GABBR1: variants seen among roughly 807,000 people sequenced by gnomAD.
GABBR1 encodes the protein GABA-B receptor, R1 subunit.
A neutral mutation model predicts 117.7 loss-of-function variants in GABBR1; 35 were observed. The observed-to-expected ratio is 0.30, with a 90% CI of 0.23 to 0.39. The LOEUF is 0.39. Among genes scored for constraint, GABBR1 ranks in the 10% least tolerant of loss-of-function variants. The pLI is 1.00. For synonymous variants in GABBR1, 442 were observed against 486.6 expected (o/e 0.91, Z 1.21); for missense variants, 709 against 1,241.8 (o/e 0.57, Z 6.45).
Position 29,630,665 on chromosome 6 carries a change from AG to A in GABBR1, c.290-23del. The stretch of plus-strand genomic sequence containing the variant: ...CGGACTGTGGAGAGATAGGAAAATA[AG>A]AAGAGAGGCGAGTTGAAGAAGGCTC... On this transcript the variant is annotated intron_variant, in intron 3 of 22. Transcript: ENST00000377034. The surrounding 1 kb of genome is among the most constrained non-coding windows in gnomAD (Gnocchi z 4.9). 6.3e-7 allele frequency: 1 copy of A among 1,590,924 alleles called. No individual in the cohort carries two copies. Among genetic ancestry groups the A allele is most frequent in the Non-Finnish European group, 8.6e-7 (1 of 1,161,876 alleles).
At position 29,607,204 on chromosome 6, in the gene GABBR1, G is replaced by A. The variant is rs1039837595; in HGVS notation, c.2007C>T (p.Leu669=). The A allele has an allele frequency of 6.8e-6, 11 of 1,613,998 alleles. No homozygotes were observed. Among genetic ancestry groups the A allele is most frequent in the South Asian group, 2.2e-5 (2 of 91,092 alleles). The change falls in exon 17 of 23, where the codon CTC becomes CTT. Residue 669 remains leucine (L), a synonymous_variant. Transcript: ENST00000377034. The surrounding 1 kb of genome is among the most constrained non-coding windows in gnomAD (Gnocchi z 5.0). ...AGCCCAGACTAAAGCCCAGGCCCAG[G>A]AGCCAGAGGCGGGCCTAGAAAGGAA... ...FPFVCQARLW[L]LGLGFSLGYG...
chr6:29,621,304 G>A lies in GABBR1; in HGVS notation c.1132-12C>T. On this transcript the variant is annotated splice_polypyrimidine_tract_variant and intron_variant, in intron 10 of 22. Transcript: ENST00000377034. This position sits in a 1 kb window ranked among gnomAD's most constrained non-coding sequence, Gnocchi z 5.0. ...CGCTCCTTGTACACCTGAATACAGA[G>A]GAGAATGGCTGAGTTTTTGTTTGCT... 2 of 1,605,388 alleles carry A rather than the reference G, an allele frequency of 1.2e-6. No homozygotes were observed. The highest frequency in any genetic ancestry group is 1.7e-6 in the Non-Finnish European group (2 of 1,175,656).
At position 29,625,088 on chromosome 6, in the gene GABBR1, T is replaced by C. The variant is rs1179004265; in HGVS notation, c.658-1064A>G. ...TGACATTTGGGACACGGTGGGAAGT[T>C]GGAGAAGGGGGAGCCAGGGGAAGCT... On this transcript the variant is annotated intron_variant, in intron 6 of 22. Coordinates refer to ENST00000377034, the MANE Select transcript of GABBR1 (RefSeq NM_001470.4). 2.0e-5 allele frequency among the ~76,000 whole-genome samples: 3 copies of C among 151,984 alleles called. No homozygotes were observed. The East Asian group carries it at 5.8e-4, about 29-fold the overall frequency.
In GABBR1 at chr6:29,632,742, T is replaced by G; in HGVS notation, c.-1+108A>C. On this transcript the variant is annotated intron_variant, in intron 1 of 22. Transcript: ENST00000377034. The surrounding 1 kb of genome is among the most constrained non-coding windows in gnomAD (Gnocchi z 5.8). ...GATTCCATCCCCGCGGTTCCTCCTC[T>G]CCCCCAGCCCCGCTTCCCCCAGCTG... is the stretch of plus-strand genomic sequence containing the variant. 1 of 1,171,338 alleles carries G rather than the reference T, an allele frequency of 8.5e-7. No individual in the cohort carries two copies. Among genetic ancestry groups the G allele is most frequent in the Non-Finnish European group, 1.1e-6 (1 of 929,808 alleles). The allele number at this position is 1,171,338 out of a possible 1,614,324, so 72.6% of individuals were successfully genotyped here.
intron 16 of GABBR1, 25 bp downstream of exon 16, chr6:29,608,576 A>G (rs1211038866): frequency 6.2e-7 from 1 of 1,609,428 alleles, no homozygotes; most frequent in Non-Finnish European, 8.5e-7. Flanking sequence ...ACATCCTGTA[A>G]GGAATTTGCC....
rs183919892 is a variant in GABBR1, at chr6:29,606,544, G to A, written c.2218-60C>T. On this transcript the variant is annotated intron_variant, in intron 18 of 22. Transcript: ENST00000377034. This position sits in a 1 kb window ranked among gnomAD's most constrained non-coding sequence, Gnocchi z 4.5. Reference sequence around the variant, plus strand: ...GCCAGCCTCCCCTCCTCTCCTCAACGCTTCTCAGTCTCTGGCTTCCAACTG... The same window carrying A: ...GCCAGCCTCCCCTCCTCTCCTCAACACTTCTCAGTCTCTGGCTTCCAACTG... 371 of 1,132,412 alleles carry A rather than the reference G, an allele frequency of 3.3e-4. 1 individual carries two copies. Among genetic ancestry groups the A allele is most frequent in the Middle Eastern group, 1.9e-4 (1 of 5,164 alleles). The allele number at this position is 1,132,412 out of a possible 1,614,324, so 70.1% of individuals were successfully genotyped here. A position where few individuals can be genotyped will look rare whatever the true frequency, so the allele number is the denominator to read the frequency against.
Position 29,620,971 on chromosome 6 carries a change from G to A in GABBR1, c.1323+130C>T, listed in dbSNP as rs143977512. On this transcript the variant is annotated intron_variant, in intron 11 of 22. Coordinates refer to ENST00000377034, the MANE Select transcript of GABBR1 (RefSeq NM_001470.4). The surrounding 1 kb of genome is among the most constrained non-coding windows in gnomAD (Gnocchi z 4.5). ...GAAACATAATGCAGACAAGTTCAGG[G>A]TGGGCACAGCCCCCTCTTCTCCTTT... 592 of 689,152 alleles carry A rather than the reference G, an allele frequency of 8.6e-4. 1 individual carries two copies. Among genetic ancestry groups the A allele is most frequent in the African/African-American group, 6.2e-3 (346 of 55,510 alleles). The allele number at this position is 689,152 out of a possible 1,614,324, so 42.7% of individuals were successfully genotyped here.
Position 29,605,415 on chromosome 6 carries a change from A to G in GABBR1, c.2439+154T>C. The G allele has an allele frequency of 1.2e-6, 1 of 858,260 alleles. No homozygotes were observed. The highest frequency in any genetic ancestry group is 1.7e-5 in the African/African-American group (1 of 59,412). The allele number at this position is 858,260 out of a possible 1,614,324, so 53.2% of individuals were successfully genotyped here. The stretch of plus-strand genomic sequence containing the variant: ...ATACAATGTCTGTAGTGAGCTTTGT[A>G]AACTGTAAAGTGCTTTATAGACCTG... On this transcript the variant is annotated intron_variant, in intron 20 of 22. Transcript: ENST00000377034. The surrounding 1 kb of genome is among the most constrained non-coding windows in gnomAD (Gnocchi z 4.2).
chr6:29,630,729 G>T lies in GABBR1; in HGVS notation c.290-86C>A. 2 of 1,109,686 alleles carry T rather than the reference G, an allele frequency of 1.8e-6. No individual in the cohort carries two copies. Among genetic ancestry groups the T allele is most frequent in the Non-Finnish European group, 2.6e-6 (2 of 771,588 alleles). 68.7% of individuals were successfully genotyped at this position (1,109,686 alleles called of 1,614,324 possible). A position where few individuals can be genotyped will look rare whatever the true frequency, so the allele number is the denominator to read the frequency against. On this transcript the variant is annotated intron_variant, in intron 3 of 22. Transcript: ENST00000377034. This position sits in a 1 kb window ranked among gnomAD's most constrained non-coding sequence, Gnocchi z 4.9. ...GAGCAGGGGACTCAGGTGCAGGTTT[G>T]GGTCCACAAGCATCCTGCTCTAAAG...
intron 12 of GABBR1, among the ~76,000 whole-genome samples, chr6:29,612,824 T>C (rs993472715): frequency 2.6e-5 from 4 of 152,236 alleles, no homozygotes; most frequent in Non-Finnish European, 4.4e-5. Context: ...GCTTCACTTA[T>C]GAGATTTGAA....
intron 6 of GABBR1, among the ~76,000 whole-genome samples, chr6:29,626,851 T>C (rs1764325139): frequency 6.6e-6 from 1 of 152,084 alleles, no homozygotes; most frequent in Non-Finnish European, 1.5e-5. Context: ...TGCCCACCTC[T>C]TGATCATTAG....
Position 29,605,353 on chromosome 6 carries a change from C to T in GABBR1, c.2439+216G>A. 1.6e-6 allele frequency: 1 copy of T among 609,682 alleles called. No homozygotes were observed. Among genetic ancestry groups the T allele is most frequent in the East Asian group, 2.7e-5 (1 of 36,830 alleles). The allele number at this position is 609,682 out of a possible 1,614,324, so 37.8% of individuals were successfully genotyped here. A position where few individuals can be genotyped will look rare whatever the true frequency, so the allele number is the denominator to read the frequency against. On this transcript the variant is annotated intron_variant, in intron 20 of 22. Coordinates refer to ENST00000377034, the MANE Select transcript of GABBR1 (RefSeq NM_001470.4). This position sits in a 1 kb window ranked among gnomAD's most constrained non-coding sequence, Gnocchi z 4.2. Reference sequence around the variant, plus strand: ...TTTCCTCACCTATAAAGTGGGGATACTAATATCTACTTCACTGGGTAGTTG... The same window carrying T: ...TTTCCTCACCTATAAAGTGGGGATATTAATATCTACTTCACTGGGTAGTTG...
In GABBR1 at chr6:29,613,576, T is replaced by G. The variant is rs1037692431; in HGVS notation, c.1324-91A>C. 5.5e-6 allele frequency: 8 copies of G among 1,443,792 alleles called. No individual in the cohort carries two copies. The Admixed American group carries it at 7.7e-5, about 14-fold the overall frequency. The allele number at this position is 1,443,792 out of a possible 1,614,324, so 89.4% of individuals were successfully genotyped here. A position where few individuals can be genotyped will look rare whatever the true frequency, so the allele number is the denominator to read the frequency against. On this transcript the variant is annotated intron_variant, in intron 11 of 22. Coordinates refer to ENST00000377034, the MANE Select transcript of GABBR1 (RefSeq NM_001470.4). The surrounding 1 kb of genome is among the most constrained non-coding windows in gnomAD (Gnocchi z 4.1). Reference sequence around the variant, plus strand: ...CCAATTCTGACTCAATCACTTCTACTTGAATGGATGGTTTGTGTTACTGTT... The same window carrying G: ...CCAATTCTGACTCAATCACTTCTACGTGAATGGATGGTTTGTGTTACTGTT...
chr6:29,603,909 AG>A (rs1349430391), intron 22 of GABBR1, among the ~76,000 whole-genome samples, 193 bp from the exon 23 acceptor site: 1 of 152,134 alleles, frequency 6.6e-6, no homozygotes, highest in Non-Finnish European at 1.5e-5. Context: ...AGAGAACATA[AG>A]GATACCGATA....
Position 29,602,284 on chromosome 6 carries a change from G to C in GABBR1, c.*1259C>G, listed in dbSNP as rs1007697843. On this transcript the variant is annotated 3_prime_UTR_variant, in exon 23 of 23. Coordinates refer to ENST00000377034, the MANE Select transcript of GABBR1 (RefSeq NM_001470.4). ...GATTCGGGGAGATCCTTCCCCAAGA[G>C]ACACCACAGTGTGAAAGGGACACCA... is the stretch of plus-strand genomic sequence containing the variant. 2 of 152,596 alleles carry C rather than the reference G, an allele frequency of 1.3e-5. No individual in the cohort carries two copies. The highest frequency in any genetic ancestry group is 6.5e-5 in the Admixed American group (1 of 15,318). The allele number at this position is 152,596 out of a possible 1,614,324, so 9.5% of individuals were successfully genotyped here.
chr6:29,610,372 G>A (rs887096813), intron 14 of GABBR1, among the ~76,000 whole-genome samples: 3 of 151,970 alleles, frequency 2.0e-5, no homozygotes, highest in South Asian at 2.1e-4. Flanking sequence ...CTAAACGCCC[G>A]GACTTCACCA....
chr6:29,632,647 C>T lies in GABBR1; in HGVS notation c.-1+203G>A, dbSNP rs1200313377. On this transcript the variant is annotated intron_variant, in intron 1 of 22. Coordinates refer to ENST00000377034, the MANE Select transcript of GABBR1 (RefSeq NM_001470.4). The surrounding 1 kb of genome is among the most constrained non-coding windows in gnomAD (Gnocchi z 5.8). Reference sequence around the variant, plus strand: ...ACTCCACCTCTCACCACCTCCTCTCCCCCGGCCCCCGCGGCTCGCAGAAGC... The same window carrying T: ...ACTCCACCTCTCACCACCTCCTCTCTCCCGGCCCCCGCGGCTCGCAGAAGC... 2.1e-6 allele frequency: 3 copies of T among 1,454,732 alleles called. No individual in the cohort carries two copies. The highest frequency in any genetic ancestry group is 2.6e-5 in the South Asian group (2 of 77,846). The allele number at this position is 1,454,732 out of a possible 1,614,324, so 90.1% of individuals were successfully genotyped here. A position where few individuals can be genotyped will look rare whatever the true frequency, so the allele number is the denominator to read the frequency against.
rs1764987926 is a variant in GABBR1, at chr6:29,631,665, A to T, written c.86-66T>A. On this transcript the variant is annotated intron_variant, in intron 2 of 22. Transcript: ENST00000377034. This position sits in a 1 kb window ranked among gnomAD's most constrained non-coding sequence, Gnocchi z 5.9. ...GGAAAGAGGAAAAGGCAGGCTCCCC[A>T]GTGGGAGGAAGGGGAGAGTAGGGCG... is the stretch of plus-strand genomic sequence containing the variant. 1 of 1,423,630 alleles carries T rather than the reference A, an allele frequency of 7.0e-7. No homozygotes were observed. Among genetic ancestry groups the T allele is most frequent in the Non-Finnish European group, 9.9e-7 (1 of 1,009,868 alleles). 88.2% of individuals were successfully genotyped at this position (1,423,630 alleles called of 1,614,324 possible). A position where few individuals can be genotyped will look rare whatever the true frequency, so the allele number is the denominator to read the frequency against.
At position 29,630,608 on chromosome 6, in the gene GABBR1, T is replaced by C; in HGVS notation, c.325A>G (p.Asn109Asp). ...CCACCCGTCAGGAAAACCTTCCCAT[T>C]TTCCAGGGTCAAATAAGACTTGGAG... is the stretch of plus-strand genomic sequence containing the variant. ...ICSKSYLTLE[N>D]GKVFLTGGDL... Residue 109 changes from asparagine (N) to aspartate (D), a missense_variant, in exon 4 of 23, where the codon AAT (asparagine) becomes GAT (aspartate). Asn to Asp is a conservative substitution (Grantham distance 23, BLOSUM62 1). Coordinates refer to ENST00000377034, the MANE Select transcript of GABBR1 (RefSeq NM_001470.4). The surrounding 1 kb of genome is among the most constrained non-coding windows in gnomAD (Gnocchi z 4.9). 1 of 1,612,884 alleles carries C rather than the reference T, an allele frequency of 6.2e-7. No homozygotes were observed. The highest frequency in any genetic ancestry group is 8.5e-7 in the Non-Finnish European group (1 of 1,179,890).
Sources: gnomAD v4.1 joint callset for allele counts (sites outside exome capture counted in the v4.1 genomes callset) on GRCh38, gnomAD v4.1.1 for gene constraint, Gnocchi (gnomAD v3.1) non-coding constraint, MANE v1.5 for transcripts, NCBI Gene and HGNC (gene_info 2026-07-23, HGNC 2026-07-21) for gene names.